The following POU6F2 variants were observed in gnomAD, a reference collection of about 807,000 sequenced individuals.
The protein encoded by POU6F2 is POU domain, class 6, transcription factor 2.
Under a neutral mutation model 71.3 loss-of-function variants are expected in POU6F2, and 31 were observed. That is an observed-to-expected ratio of 0.43 (90% CI 0.33 to 0.59). The LOEUF is 0.59. POU6F2 is among the 20% of genes least tolerant of loss of function. POU6F2 has a pLI of 0.04. For synonymous variants in POU6F2, 347 were observed against 355.7 expected (o/e 0.98, Z 0.27); for missense variants, 783 against 856.8 (o/e 0.91, Z 1.07).
chr7:39,189,419 G>A (rs1793613950), intron 2 of POU6F2, among the ~76,000 whole-genome samples: 1 of 151,966 alleles, frequency 6.6e-6, no homozygotes, highest in Admixed American at 6.5e-5. Flanking sequence ...TCGCTCTGTC[G>A]CCAGGCCGGA....
intron 1 of POU6F2, among the ~76,000 whole-genome samples, chr7:39,003,759 AAAG>A (rs954197863): frequency 9.9e-5 from 15 of 152,196 alleles, no homozygotes; most frequent in Admixed American, 2.6e-4. Context: ...AAAAAAAAAA[AAAG>A]AAGGGAGTGA....
At chr7:39,211,325 C>T (rs1000094872) in intron 4 of POU6F2, among the ~76,000 whole-genome samples, 2 of 152,106 alleles carry the variant, frequency 1.3e-5, no homozygotes, top group Admixed American at 6.5e-5. Context: ...TTAATGCTCC[C>T]GCTCTCACTC....
intron 4 of POU6F2, 29 bp from the exon 5 acceptor site, chr7:39,339,613 C>A: frequency 6.4e-7 from 1 of 1,556,642 alleles, no homozygotes; most frequent in Non-Finnish European, 8.6e-7. Flanking sequence ...CATGTTATCT[C>A]ACTCCACATT....
Position 39,339,743 on chromosome 7 carries a change from C to G in POU6F2, c.700C>G (p.Pro234Ala). ...QQPPPSTNQH[P>A]QPAPQAPSQS... is the part of the protein sequence containing the mutation. ...GCCTCCCCCGTCAACCAACCAGCACCCGCAACCAGCCCCACAGGCGCCCTC... is the reference window on the plus strand; with the variant it reads ...GCCTCCCCCGTCAACCAACCAGCACGCGCAACCAGCCCCACAGGCGCCCTC... Residue 234 changes from proline to alanine, a missense_variant, in exon 5 of 10, where the codon CCG becomes GCG. Physicochemically the swap from Pro to Ala is conservative, Grantham distance 27. Coordinates refer to ENST00000518318, the MANE Select transcript of POU6F2 (RefSeq NM_001370959.1). 1 of 1,602,378 alleles carries G rather than the reference C, an allele frequency of 6.2e-7. No individual in the cohort carries two copies. Among genetic ancestry groups the G allele is most frequent in the South Asian group, 1.1e-5 (1 of 90,050 alleles).
intron 6 of POU6F2, among the ~76,000 whole-genome samples, chr7:39,411,535 G>A (rs748087194): frequency 1.3e-5 from 2 of 152,166 alleles, no homozygotes; most frequent in African/African-American, 2.4e-5. Flanking sequence ...CCAGTCAAGG[G>A]GGGGGAAGTC....
At chr7:39,089,223 G>A (rs1367616601) in intron 2 of POU6F2, among the ~76,000 whole-genome samples, 1 of 152,174 alleles carries the variant, frequency 6.6e-6, no homozygotes, top group African/African-American at 2.4e-5. Flanking sequence ...AGAAACATGT[G>A]GTTAGGTAGT....
At chr7:39,153,040 G>A (rs1282559952) in intron 2 of POU6F2, among the ~76,000 whole-genome samples, 1 of 152,108 alleles carries the variant, frequency 6.6e-6, no homozygotes, top group African/African-American at 2.4e-5. Context: ...AGGTCTCTTG[G>A]GAAAGAAATA....
chr7:39,143,392 G>A (rs1318656784), intron 2 of POU6F2, among the ~76,000 whole-genome samples: 1 of 152,222 alleles, frequency 6.6e-6, no homozygotes, highest in Non-Finnish European at 1.5e-5. Flanking sequence ...CCTGAGAACT[G>A]CTGAAGGAGC....
intron 5 of POU6F2, among the ~76,000 whole-genome samples, chr7:39,348,351 T>A (rs532695900): frequency 1.7e-4 from 26 of 152,352 alleles, no homozygotes; most frequent in Admixed American, 1.5e-3. Flanking sequence ...TAGATGATCT[T>A]TAAACCCATT....
At chr7:39,224,607 G>A (rs767029528) in intron 4 of POU6F2, among the ~76,000 whole-genome samples, 8 of 152,180 alleles carry the variant, frequency 5.3e-5, no homozygotes, top group South Asian at 2.1e-4. Context: ...TTTACTTTAC[G>A]CCAGTTAGCA....
At chr7:39,246,928 T>TTTTTTTTG (rs1783831768) in intron 4 of POU6F2, among the ~76,000 whole-genome samples, 1 of 98,806 alleles carries the variant, frequency 1.0e-5, no homozygotes, top group African/African-American at 3.4e-5. Context: ...TTTTTTTTTT[T>TTTTTTTTG]GCGACGGAGT....
At chr7:39,171,038 TTTTAC>T (rs1051139972) in intron 2 of POU6F2, among the ~76,000 whole-genome samples, 2 of 148,462 alleles carry the variant, frequency 1.3e-5, no homozygotes, top group African/African-American at 4.9e-5. Flanking sequence ...TTTTTTTTTT[TTTTAC>T]TTTAAGTTCT....
intron 2 of POU6F2, among the ~76,000 whole-genome samples, chr7:39,197,441 A>G (rs577694311): frequency 6.6e-6 from 1 of 152,248 alleles, no homozygotes; most frequent in Non-Finnish European, 1.5e-5. Flanking sequence ...TGTAATTTGC[A>G]CTGATCCCCA....
At chr7:39,149,909 G>C (rs1178610453) in intron 2 of POU6F2, among the ~76,000 whole-genome samples, 2 of 146,434 alleles carry the variant, frequency 1.4e-5, no homozygotes, top group African/African-American at 2.6e-5. Flanking sequence ...TTCTTGAGAC[G>C]GAGTCTCGCT....
At chr7:39,223,021 G>A (rs1309627992) in intron 4 of POU6F2, among the ~76,000 whole-genome samples, 1 of 152,148 alleles carries the variant, frequency 6.6e-6, no homozygotes, top group Non-Finnish European at 1.5e-5. Flanking sequence ...AGTGCACAAG[G>A]ATGCCAGTTT....
intron 4 of POU6F2, among the ~76,000 whole-genome samples, chr7:39,308,316 G>A (rs1785086153): frequency 6.6e-6 from 1 of 152,178 alleles, no homozygotes; most frequent in Non-Finnish European, 1.5e-5. Context: ...GATCAATGTG[G>A]AAAAAGACAA....
At chr7:39,349,652 C>T (rs1786102201) in intron 5 of POU6F2, among the ~76,000 whole-genome samples, 1 of 152,328 alleles carries the variant, frequency 6.6e-6, no homozygotes, top group African/African-American at 2.4e-5. Context: ...TCGTCTAGAG[C>T]ACCAAGCAGT....
chr7:39,211,490 A>G (rs952254672), intron 4 of POU6F2, among the ~76,000 whole-genome samples: 1 of 152,210 alleles, frequency 6.6e-6, no homozygotes, highest in Non-Finnish European at 1.5e-5. Flanking sequence ...TTATCCAATG[A>G]AAGTTTTGCT....
At chr7:39,399,921 A>T (rs1007563267) in intron 5 of POU6F2, among the ~76,000 whole-genome samples, 22 of 152,142 alleles carry the variant, frequency 1.4e-4, no homozygotes, top group African/African-American at 5.3e-4. Context: ...TCCAGAGTGC[A>T]GGAGCTTCTG....
Sources: allele counts gnomAD v4.1 joint callset (sites outside exome capture counted in the v4.1 genomes callset), GRCh38; gene constraint gnomAD v4.1.1; transcripts MANE v1.5; gene names NCBI Gene and HGNC (gene_info 2026-07-23, HGNC 2026-07-21).